The following EPHA6 variants were observed in gnomAD, a reference collection of about 807,000 sequenced individuals.
EPHA6 encodes the protein ephrin type-A receptor 6.
A neutral mutation model predicts 112.0 loss-of-function variants in EPHA6; 50 were observed. The ratio of observed to expected loss-of-function variants is 0.45; its 90% CI spans 0.36 to 0.56. The LOEUF (loss-of-function observed/expected upper bound fraction) is 0.56. Ranked by LOEUF, EPHA6 falls within the 20% of genes least tolerant of loss-of-function variation. The pLI, the probability that EPHA6 is intolerant of heterozygous loss-of-function variation, is 0.00. For synonymous variants in EPHA6, 529 were observed against 490.7 expected, an observed-to-expected ratio of 1.08 and a Z score of -1.03; for missense variants, 1,280 against 1,417.4, an observed-to-expected ratio of 0.90 and a Z score of 1.56.
At chr3:97,632,379 C>T (rs541913568) in intron 13 of EPHA6, among the ~76,000 whole-genome samples, 2 of 152,066 alleles carry the variant, frequency 1.3e-5, no homozygotes, top group South Asian at 4.1e-4. Context: ...ATGTTCAATC[C>T]AGTGGGAGAG....
At chr3:96,971,364 G>T (rs1378256905) in intron 2 of EPHA6, among the ~76,000 whole-genome samples, 1 of 152,016 alleles carries the variant, frequency 6.6e-6, no homozygotes, top group Non-Finnish European at 1.5e-5. Flanking sequence ...AAATATCTTT[G>T]TAGTGTTAAT....
At chr3:97,527,549 C>T (rs1006656911) in intron 10 of EPHA6, among the ~76,000 whole-genome samples, 1 of 152,032 alleles carries the variant, frequency 6.6e-6, no homozygotes, top group African/African-American at 2.4e-5. Flanking sequence ...TCAAGAGATA[C>T]CTATGGAGAC....
At chr3:97,273,072 G>A (rs542443597) in intron 5 of EPHA6, among the ~76,000 whole-genome samples, 1 of 152,238 alleles carries the variant, frequency 6.6e-6, no homozygotes, top group South Asian at 2.1e-4. Flanking sequence ...GGGGTTGTTA[G>A]AAGAAACGTT....
In EPHA6 at chr3:97,532,420, G is replaced by T. The variant is rs1386734902; in HGVS notation, c.2263G>T (p.Ala755Ser). 3 of 1,612,496 alleles carry T rather than the reference G, an allele frequency of 1.9e-6. No homozygotes were observed. The highest frequency in any genetic ancestry group is 2.5e-6 in the Non-Finnish European group (3 of 1,178,950). Reference protein sequence around the residue: ...KTPGKREIPVAIKTLKGGHMD... With the variant: ...KTPGKREIPVSIKTLKGGHMD... ...ACCAGGGAAAAGAGAGATCCCAGTT[G>T]CCATTAAAACTTTGAAAGGTGGCCA... Residue 755 changes from alanine to serine, a missense_variant, in exon 11 of 18, where the codon GCC (alanine) becomes TCC (serine). Transcript: ENST00000389672.
At chr3:97,226,479 C>A in intron 4 of EPHA6, 60 bp downstream of exon 4, 2 of 1,444,176 alleles carry the variant, frequency 1.4e-6, no homozygotes, top group East Asian at 2.3e-5. Flanking sequence ...TCTTTTCATT[C>A]TAAATTTAAA....
chr3:97,024,935 A>T (rs1367053689), intron 3 of EPHA6, among the ~76,000 whole-genome samples: 1 of 152,326 alleles, frequency 6.6e-6, no homozygotes, highest in East Asian at 1.9e-4. Context: ...TAGTTTTTGT[A>T]TAATAATAAA....
intron 3 of EPHA6, among the ~76,000 whole-genome samples, chr3:97,198,503 G>A (rs1335468485): frequency 7.0e-6 from 1 of 143,566 alleles, no homozygotes; most frequent in Admixed American, 7.1e-5. Flanking sequence ...CTTTTTTTGA[G>A]TCCACGCAGA....
intron 3 of EPHA6, among the ~76,000 whole-genome samples, chr3:97,023,030 G>A (rs2044515892): frequency 6.6e-6 from 1 of 152,112 alleles, no homozygotes; most frequent in African/African-American, 2.4e-5. Context: ...GTTGGTCATT[G>A]CTTTCATGCC....
At chr3:97,603,866 C>T (rs1489960420) in intron 12 of EPHA6, among the ~76,000 whole-genome samples, 1 of 151,792 alleles carries the variant, frequency 6.6e-6, no homozygotes. Context: ...CCTTTGAGAC[C>T]ATCAGAGAGC....
At chr3:96,962,443 A>G (rs894048237) in intron 2 of EPHA6, among the ~76,000 whole-genome samples, 8 of 150,328 alleles carry the variant, frequency 5.3e-5, no homozygotes, top group Non-Finnish European at 8.9e-5. Flanking sequence ...GAGGAATAAC[A>G]ATGATGATCT....
At chr3:97,197,120 A>G (rs2077461874) in intron 3 of EPHA6, among the ~76,000 whole-genome samples, 1 of 152,074 alleles carries the variant, frequency 6.6e-6, no homozygotes, top group Non-Finnish European at 1.5e-5. Flanking sequence ...AGGAGGCAAC[A>G]TTTGGAATCA....
chr3:97,275,498 G>C (rs982169095), intron 5 of EPHA6, among the ~76,000 whole-genome samples: 4 of 152,096 alleles, frequency 2.6e-5, no homozygotes, highest in Non-Finnish European at 4.4e-5. Context: ...TGTGGAGGGA[G>C]GTATTGAGGA....
intron 6 of EPHA6, among the ~76,000 whole-genome samples, chr3:97,410,371 C>T (rs999317697): frequency 6.6e-6 from 1 of 151,966 alleles, no homozygotes; most frequent in Non-Finnish European, 1.5e-5. Flanking sequence ...ATATGCTGCT[C>T]AATATACATT....
At chr3:97,047,410 T>C (rs372548313) in intron 3 of EPHA6, among the ~76,000 whole-genome samples, 1 of 141,252 alleles carries the variant, frequency 7.1e-6, no homozygotes, top group South Asian at 2.2e-4. Context: ...TGAGGCAGGA[T>C]AATGGCATGA....
At position 97,687,600 on chromosome 3, in the gene EPHA6, TACA is replaced by T. The variant is rs539436232; in HGVS notation, c.2785-32658_2785-32656del. Among the ~76,000 whole-genome samples, 145 of 152,342 alleles carry T rather than the reference TACA, an allele frequency of 9.5e-4. 1 individual carries two copies. The highest frequency in any genetic ancestry group is 7.0e-3 in the South Asian group (34 of 4,826). On this transcript the variant is annotated intron_variant, in intron 14 of 17. Transcript: ENST00000389672. ...TGTATTTTCCTTTCTGGGCATGAAG[TACA>T]ACTTTCCACATAGTTTCTTTTCCAA...
intron 5 of EPHA6, among the ~76,000 whole-genome samples, chr3:97,366,196 C>A (rs2084716376): frequency 6.6e-6 from 1 of 152,124 alleles, no homozygotes; most frequent in East Asian, 1.9e-4. Context: ...TTGTATTTCC[C>A]TCTAAATCTA....
chr3:97,591,309 T>C (rs1482800323), intron 11 of EPHA6, among the ~76,000 whole-genome samples: 1 of 152,178 alleles, frequency 6.6e-6, no homozygotes, highest in Non-Finnish European at 1.5e-5. Flanking sequence ...AAACAAGATA[T>C]ATATAGTGTG....
At chr3:97,641,696 C>T (rs900752442) in intron 14 of EPHA6, among the ~76,000 whole-genome samples, 3 of 152,324 alleles carry the variant, frequency 2.0e-5, no homozygotes, top group South Asian at 2.1e-4. Flanking sequence ...CCTGGAAAAT[C>T]GGGTCACTCC....
chr3:97,121,963 C>A (rs2048053219), intron 3 of EPHA6, among the ~76,000 whole-genome samples: 1 of 152,022 alleles, frequency 6.6e-6, no homozygotes, highest in Admixed American at 6.6e-5. Flanking sequence ...ATTTTCTACA[C>A]ATTTTCAGGG....
Sources: allele counts gnomAD v4.1 joint callset (sites outside exome capture counted in the v4.1 genomes callset), GRCh38; gene constraint gnomAD v4.1.1; transcripts MANE v1.5; gene names NCBI Gene and HGNC (gene_info 2026-07-23, HGNC 2026-07-21).